The following NPL variants were observed in gnomAD, a reference collection of about 807,000 sequenced individuals.
The protein encoded by NPL is N-acetylneuraminate pyruvate lyase.
Under a neutral mutation model 41.1 loss-of-function variants are expected in NPL, and 32 were observed. That is an observed-to-expected ratio of 0.78 (90% CI 0.59 to 1.05). The LOEUF (loss-of-function observed/expected upper bound fraction) is 1.05, where lower values mean the gene tolerates loss of function less well. Ranked by LOEUF, NPL falls within the 50% of genes least tolerant of loss-of-function variation. The pLI is 0.00. For synonymous variants in NPL, 128 were observed against 134.9 expected (o/e 0.95, Z 0.35); for missense variants, 321 against 378.4 (o/e 0.85, Z 1.26).
rs1205294028 is a variant in NPL at position 182,803,785 on chromosome 1, G to C, written c.142+14G>C. 6.3e-7 allele frequency: 1 copy of C among 1,578,418 alleles called. No homozygotes were observed. On this transcript the variant is annotated intron_variant, in intron 4 of 12. Transcript: ENST00000367553. Reference sequence around the variant, plus strand: ...AGAACATTTTTGGTAAGTCAACTCTGGGGATGTCGCTGCATGTCTCCAGCT... The same window carrying C: ...AGAACATTTTTGGTAAGTCAACTCTCGGGATGTCGCTGCATGTCTCCAGCT...
rs12066040 is a variant in NPL at position 182,818,276 on chromosome 1, T to G, written c.458-265T>G. On this transcript the variant is annotated intron_variant, in intron 8 of 12. Transcript: ENST00000367553. ...CCCCTGTCTACAAGGTTTTGGGTAC[T>G]TTGTCTCAGGAACCAGGGACTGAGA... 8.5e-4 allele frequency among the ~76,000 whole-genome samples: 130 copies of G among 152,310 alleles called. 1 individual carries two copies. Among genetic ancestry groups the G allele is most frequent in the African/African-American group, 2.9e-3 (121 of 41,574 alleles).
At chr1:182,804,228 A>G (rs1291251978) in intron 4 of NPL, among the ~76,000 whole-genome samples, 1 of 152,210 alleles carries the variant, frequency 6.6e-6, no homozygotes, top group African/African-American at 2.4e-5. Context: ...TCCCGGGTTC[A>G]AGCAATTCTC....
At chr1:182,819,329 C>T (rs1175867169) in intron 10 of NPL, among the ~76,000 whole-genome samples, 1 of 152,176 alleles carries the variant, frequency 6.6e-6, no homozygotes, top group Non-Finnish European at 1.5e-5. Flanking sequence ...GCCTGTAATC[C>T]CAGCTACTTG....
intron 5 of NPL, among the ~76,000 whole-genome samples, chr1:182,808,483 A>T (rs983665302): frequency 1.3e-5 from 2 of 152,160 alleles, no homozygotes; most frequent in African/African-American, 2.4e-5. Flanking sequence ...CGGTGAGTGC[A>T]GCTGATCCTC....
chr1:182,794,897 G>A (rs930458974), intron 3 of NPL, among the ~76,000 whole-genome samples: 8 of 152,208 alleles, frequency 5.3e-5, no homozygotes, highest in Non-Finnish European at 8.8e-5. Context: ...TGATAAAAAT[G>A]TCCTACCCTG....
intron 5 of NPL, among the ~76,000 whole-genome samples, chr1:182,808,474 G>A (rs553877260): frequency 2.0e-5 from 3 of 152,210 alleles, no homozygotes; most frequent in Admixed American, 2.0e-4. Context: ...AAGTGGGAGC[G>A]GTGAGTGCAG....
At position 182,803,706 on chromosome 1, in the gene NPL, A is replaced by G; in HGVS notation, c.77A>G (p.Asn26Ser). ...ITPMTENGEI[N>S]FSVIGQYVDY... ...TTCCACATGTCTTCTAGAGAAATCA[A>G]CTTTTCAGTAATTGGTCAGTATGTG... Residue 26 changes from asparagine to serine, a missense_variant, in exon 4 of 13, where the codon AAC becomes AGC. Physicochemically the swap from Asn to Ser is conservative, Grantham distance 46. Transcript: ENST00000367553. The G allele has an allele frequency of 1.9e-6, 3 of 1,611,492 alleles. No homozygotes were observed. Among genetic ancestry groups the G allele is most frequent in the Non-Finnish European group, 2.5e-6 (3 of 1,177,552 alleles).
Position 182,818,540 on chromosome 1 carries a change from G to A in NPL, c.458-1G>A, listed in dbSNP as rs1667399232. 2 of 1,614,038 alleles carry A rather than the reference G, an allele frequency of 1.2e-6. No homozygotes were observed. Among genetic ancestry groups the A allele is most frequent in the Middle Eastern group, 1.6e-4 (1 of 6,062 alleles). ...AATGAGGCACTTATTATTTTGAGCA[G>A]TTCGTGCTGAGGAGTTGTTGGATGG... On this transcript the variant is annotated splice_acceptor_variant, in intron 8 of 12. Coordinates refer to ENST00000367553, the MANE Select transcript of NPL (RefSeq NM_030769.3). LOFTEE classifies it high-confidence loss of function.
chr1:182,811,384 C>A (rs1667171625), intron 5 of NPL, among the ~76,000 whole-genome samples: 1 of 151,910 alleles, frequency 6.6e-6, no homozygotes, highest in African/African-American at 2.4e-5. Context: ...CACACCACCA[C>A]ACTTGGCTAA....
In NPL at chr1:182,814,829, C is replaced by T. The variant is rs751077243; in HGVS notation, c.335C>T (p.Ala112Val). The T allele has an allele frequency of 3.1e-6, 5 of 1,614,072 alleles. No homozygotes were observed. The highest frequency in any genetic ancestry group is 4.2e-6 in the Non-Finnish European group (5 of 1,179,938). Residue 112 changes from alanine (A) to valine (V), a missense_variant, in exon 7 of 13, where the codon GCA becomes GTA. Coordinates refer to ENST00000367553, the MANE Select transcript of NPL (RefSeq NM_030769.3). ...EIGADGIAVIAPFFLKPWTKD... is the reference protein window; with the variant it reads ...EIGADGIAVIVPFFLKPWTKD... The stretch of plus-strand genomic sequence containing the variant: ...GGAGCTGATGGCATCGCTGTCATTG[C>T]ACCGTTCTTCCTCAAGCCATGGACC...
At chr1:182,819,194 C>T (rs12082498) in intron 10 of NPL, among the ~76,000 whole-genome samples, 12,308 of 151,834 alleles carry the variant, frequency 0.081, 1,325 homozygotes, top group African/African-American at 0.25. Flanking sequence ...CAGTGGCTCA[C>T]GCCTGTAATC....
intron 5 of NPL, 28 bp from the exon 6 acceptor site, chr1:182,812,128 C>G (rs371975075): frequency 6.2e-7 from 1 of 1,612,188 alleles, no homozygotes; most frequent in Non-Finnish European, 8.5e-7. Context: ...AAACTCTAAG[C>G]GATGCAGCAG....
At chr1:182,797,203 C>T (rs1341733051) in intron 3 of NPL, among the ~76,000 whole-genome samples, 3 of 152,150 alleles carry the variant, frequency 2.0e-5, no homozygotes, top group East Asian at 1.9e-4. Flanking sequence ...TCCAGTCCAT[C>T]GTCCACACTG....
At chr1:182,819,110 A>G (rs559326328) in intron 10 of NPL, among the ~76,000 whole-genome samples, 3 of 151,600 alleles carry the variant, frequency 2.0e-5, no homozygotes, top group African/African-American at 7.3e-5. Context: ...ACTTGAGGTC[A>G]GGAGTTCAAA....
chr1:182,829,240 T>C lies in NPL; in HGVS notation c.*332T>C. On this transcript the variant is annotated 3_prime_UTR_variant, in exon 13 of 13. Transcript: ENST00000367553. ...TCTCATTATCTCGGTCTCTGGTTCCTAATCCTATTTTAAAGTTGTCTAATT... is the reference window on the plus strand; with the variant it reads ...TCTCATTATCTCGGTCTCTGGTTCCCAATCCTATTTTAAAGTTGTCTAATT... 1 of 1,201,098 alleles carries C rather than the reference T, an allele frequency of 8.3e-7. No individual in the cohort carries two copies. The highest frequency in any genetic ancestry group is 1.0e-6 in the Non-Finnish European group (1 of 964,450). The allele number at this position is 1,201,098 out of a possible 1,614,324, so 74.4% of individuals were successfully genotyped here.
chr1:182,809,097 T>G (rs1667103558), intron 5 of NPL: 1 of 289,552 alleles, frequency 3.5e-6, no homozygotes. Flanking sequence ...GATCAGAAAT[T>G]CATTCAACTT....
At position 182,809,517 on chromosome 1, in the gene NPL, G is replaced by T. The variant is rs537692468; in HGVS notation, c.231-2639G>T. On this transcript the variant is annotated intron_variant, in intron 5 of 12. Coordinates refer to ENST00000367553, the MANE Select transcript of NPL (RefSeq NM_030769.3). ...ATTGCACCACTGCACTCTAGCCTGGGCGACAGAGTGAGACTCCATCTTAAA... is the reference window on the plus strand; with the variant it reads ...ATTGCACCACTGCACTCTAGCCTGGTCGACAGAGTGAGACTCCATCTTAAA... Among the ~76,000 whole-genome samples the T allele has an allele frequency of 8.6e-5, 13 of 151,194 alleles. No individual in the cohort carries two copies. The South Asian group carries it at 2.7e-3, about 32-fold the overall frequency.
chr1:182,806,502 C>T lies in NPL; in HGVS notation c.230+270C>T, dbSNP rs16859679. 6,717 of 1,536,256 alleles carry T rather than the reference C, an allele frequency of 4.4e-3. 233 individuals are homozygous for T. The African/African-American group carries it at 0.08, about 18-fold the overall frequency. On this transcript the variant is annotated intron_variant, in intron 5 of 12. Transcript: ENST00000367553. ...TCTTACCTGTCTACAAGGCCAGTCC[C>T]CTCACAGTTACCCGTCTTTGGGCTG... is the stretch of plus-strand genomic sequence containing the variant.
intron 11 of NPL, 40 bp downstream of exon 11, chr1:182,822,239 T>C: frequency 7.4e-7 from 1 of 1,359,780 alleles, no homozygotes. Flanking sequence ...ACAGCCTTTT[T>C]TCTTCCCCAC....
Sources: allele counts gnomAD v4.1 joint callset (sites outside exome capture counted in the v4.1 genomes callset), GRCh38; gene constraint gnomAD v4.1.1; transcripts MANE v1.5; gene names NCBI Gene and HGNC (gene_info 2026-07-23, HGNC 2026-07-21).